Variants in TSKU observed in about 807,000 individuals in gnomAD.
TSKU encodes tsukushi, small leucine rich proteoglycan, also known as tsukushi.
In TSKU, 4 loss-of-function variants were observed where a neutral mutation model predicts 11.2. The ratio of observed to expected loss-of-function variants is 0.36; its 90% CI spans 0.18 to 0.82. The LOEUF is 0.82. TSKU is among the 40% of genes least tolerant of loss of function. The pLI is 0.50. For missense variants in TSKU, 407 were observed against 482.5 expected (o/e 0.84, Z 1.47); for synonymous variants, 220 against 232.2 (o/e 0.95, Z 0.48).
At chr11:76,784,462 T>G (rs1487650274) in intron 1 of TSKU, 1 of 152,344 alleles carries the variant, frequency 6.6e-6, no homozygotes, top group Non-Finnish European at 1.5e-5. Context: ...GAGCCTCACA[T>G]ACACAGGTTT....
At position 76,795,858 on chromosome 11, in the gene TSKU, C is replaced by T. The variant is rs761996929; in HGVS notation, c.242C>T (p.Pro81Leu). The change falls in exon 2 of 2, where the codon CCG becomes CTG. Residue 81 changes from proline to leucine, a missense_variant. Physicochemically the swap from Pro to Leu is moderately conservative, Grantham distance 98. Coordinates refer to ENST00000333090, the MANE Select transcript of TSKU (RefSeq NM_015516.4). Reference sequence around the variant, plus strand: ...GTGAATGAGTCGGTGTTGGCGGGGCCGGGCTACACGACGTTGGCTGGCCTG... The same window carrying T: ...GTGAATGAGTCGGTGTTGGCGGGGCTGGGCTACACGACGTTGGCTGGCCTG... ...EMVNESVLAG[P>L]GYTTLAGLDL... The T allele has an allele frequency of 1.2e-6, 2 of 1,613,776 alleles. No individual in the cohort carries two copies. The highest frequency in any genetic ancestry group is 1.7e-6 in the Non-Finnish European group (2 of 1,180,002).
chr11:76,790,460 A>G (rs1412942863), intron 1 of TSKU, among the ~76,000 whole-genome samples: 1 of 151,946 alleles, frequency 6.6e-6, no homozygotes, highest in African/African-American at 2.4e-5. Flanking sequence ...CCTTGCGGCA[A>G]CTCCTTGAGG....
At chr11:76,790,752 A>G (rs1183660399) in intron 1 of TSKU, among the ~76,000 whole-genome samples, 1 of 152,224 alleles carries the variant, frequency 6.6e-6, no homozygotes, top group African/African-American at 2.4e-5. Context: ...TATGTTGCCC[A>G]GTCTCAGGTT....
Position 76,796,797 on chromosome 11 carries a change from T to C in TSKU, c.*119T>C. On this transcript the variant is annotated 3_prime_UTR_variant, in exon 2 of 2. Coordinates refer to ENST00000333090, the MANE Select transcript of TSKU (RefSeq NM_015516.4). This position sits in a 1 kb window ranked among gnomAD's most constrained non-coding sequence, Gnocchi z 4.1. ...GAGCCCGCAGGCCTATGTGGCAGCG[T>C]CACCACAGGAGTTGTGGGCCTAGGA... 8.0e-6 allele frequency: 6 copies of C among 753,038 alleles called. No individual in the cohort carries two copies. The Middle Eastern group carries it at 2.1e-3, about 261-fold the overall frequency. The allele number at this position is 753,038 out of a possible 1,614,324, so 46.6% of individuals were successfully genotyped here.
intron 1 of TSKU, among the ~76,000 whole-genome samples, chr11:76,785,982 C>T (rs1944308519): frequency 6.6e-6 from 1 of 152,180 alleles, no homozygotes; most frequent in Admixed American, 6.5e-5. Flanking sequence ...ATTACATGTG[C>T]AAATAAATAA....
chr11:76,790,044 C>A (rs1220080781), intron 1 of TSKU, among the ~76,000 whole-genome samples: 1 of 134,302 alleles, frequency 7.4e-6, no homozygotes, highest in Admixed American at 7.9e-5. Context: ...CCCCGCCCCC[C>A]ACTCCCTCCT....
chr11:76,795,599 CTCTT>C lies in TSKU; in HGVS notation c.-8-6_-8-3del, dbSNP rs748883227. 1 of 1,603,840 alleles carries C rather than the reference CTCTT, an allele frequency of 6.2e-7. No individual in the cohort carries two copies. The highest frequency in any genetic ancestry group is 8.5e-7 in the Non-Finnish European group (1 of 1,178,338). ...GTGCATTCATTCCTCACCTGTGGCT[CTCTT>C]TCTAGCCCCCACCATGCCGTGGCCC... On this transcript the variant is annotated splice_polypyrimidine_tract_variant and splice_region_variant and intron_variant, in intron 1 of 1. Transcript: ENST00000333090.
In TSKU at chr11:76,795,667, C is replaced by G. The variant is rs761015428; in HGVS notation, c.51C>G (p.Thr17=). 1.2e-6 allele frequency: 2 copies of G among 1,613,860 alleles called. No homozygotes were observed. The highest frequency in any genetic ancestry group is 3.3e-5 in the Admixed American group (2 of 60,032). Residue 17 remains threonine (T), a synonymous_variant, in exon 2 of 2, where the codon ACC becomes ACG. Coordinates refer to ENST00000333090, the MANE Select transcript of TSKU (RefSeq NM_015516.4). ...TGGCCGTGAGTGGGGCCCAGACAAC[C>G]CGGCCATGCTTCCCCGGGTGCCAAT... ...LLLAVSGAQT[T]RPCFPGCQCE...
chr11:76,784,647 G>A (rs1378941789), intron 1 of TSKU, among the ~76,000 whole-genome samples: 2 of 152,050 alleles, frequency 1.3e-5, no homozygotes, highest in Non-Finnish European at 2.9e-5. Flanking sequence ...CACTTGGCCT[G>A]GCGAGGAGGT....
intron 1 of TSKU, among the ~76,000 whole-genome samples, chr11:76,794,555 G>A (rs934994838): frequency 9.2e-5 from 14 of 152,232 alleles, no homozygotes; most frequent in African/African-American, 3.4e-4. Context: ...ACTAGTTTGG[G>A]GTAAGGCCCT....
chr11:76,785,008 C>T (rs538122969), intron 1 of TSKU, among the ~76,000 whole-genome samples: 2 of 152,324 alleles, frequency 1.3e-5, no homozygotes, highest in African/African-American at 4.8e-5. Context: ...TGGCTGACTG[C>T]TTCAGATCCC....
chr11:76,795,945 T>C lies in TSKU; in HGVS notation c.329T>C (p.Leu110Pro). ...ACTGCCTTCTCCCGCCTTCGCTACC[T>C]GGAGTCGCTTGACCTCAGCCACAAT... ...SPTAFSRLRYLESLDLSHNGL... is the reference protein window; with the variant it reads ...SPTAFSRLRYPESLDLSHNGL... Residue 110 changes from leucine (L) to proline (P), a missense_variant, in exon 2 of 2, where the codon CTG becomes CCG. Leu to Pro is a moderately conservative substitution (Grantham distance 98). Coordinates refer to ENST00000333090, the MANE Select transcript of TSKU (RefSeq NM_015516.4). The C allele has an allele frequency of 1.9e-6, 3 of 1,613,946 alleles. No individual in the cohort carries two copies. The highest frequency in any genetic ancestry group is 2.5e-6 in the Non-Finnish European group (3 of 1,180,016).
chr11:76,787,845 T>G (rs2134389115), intron 1 of TSKU, among the ~76,000 whole-genome samples: 1 of 152,322 alleles, frequency 6.6e-6, no homozygotes, highest in Middle Eastern at 3.4e-3. Context: ...CATCTGGGGT[T>G]AAGTCCGGGG....
chr11:76,797,021 G>A lies in TSKU; in HGVS notation c.*343G>A, dbSNP rs190287845. The A allele has an allele frequency of 8.1e-5, 17 of 209,706 alleles. No homozygotes were observed. Among genetic ancestry groups the A allele is most frequent in the African/African-American group, 3.7e-4 (16 of 43,294 alleles). The allele number at this position is 209,706 out of a possible 1,614,324, so 13.0% of individuals were successfully genotyped here. A position where few individuals can be genotyped will look rare whatever the true frequency, so the allele number is the denominator to read the frequency against. ...CCCGCAATGGGCAGAGGGTGGGTGGGACCCCCTGCTGCAGGGCAGAGTTCA... is the reference window on the plus strand; with the variant it reads ...CCCGCAATGGGCAGAGGGTGGGTGGAACCCCCTGCTGCAGGGCAGAGTTCA... On this transcript the variant is annotated 3_prime_UTR_variant, in exon 2 of 2. Transcript: ENST00000333090.
intron 1 of TSKU, chr11:76,792,206 A>G (rs1944380578): frequency 6.6e-6 from 1 of 152,232 alleles, no homozygotes; most frequent in Non-Finnish European, 1.5e-5. Context: ...GCCCTGCTGG[A>G]TTTTGAACTT....
At position 76,784,748 on chromosome 11, in the gene TSKU, G is replaced by T. The variant is rs559771149; in HGVS notation, c.-9+1344G>T. Among the ~76,000 whole-genome samples the T allele has an allele frequency of 4.6e-4, 47 of 101,854 alleles. 1 individual carries two copies. The East Asian group carries it at 9.2e-3, about 20-fold the overall frequency. The allele number at this position is 101,854 out of a possible 152,430, so 66.8% of individuals were successfully genotyped here. On this transcript the variant is annotated intron_variant, in intron 1 of 1. Coordinates refer to ENST00000333090, the MANE Select transcript of TSKU (RefSeq NM_015516.4). ...CAGTGCCTGGGGCTGACCGGAGGTGGGGGGGGGGGGGTGCTCAGAGCTGCA... is the reference window on the plus strand; with the variant it reads ...CAGTGCCTGGGGCTGACCGGAGGTGTGGGGGGGGGGGTGCTCAGAGCTGCA...
At chr11:76,792,785 C>A (rs1368872448) in intron 1 of TSKU, 1 of 153,832 alleles carries the variant, frequency 6.5e-6, no homozygotes, top group Non-Finnish European at 1.4e-5. Flanking sequence ...TCCAATTAAA[C>A]CTCTTTCTTT....
chr11:76,787,411 G>C (rs145738923), intron 1 of TSKU, among the ~76,000 whole-genome samples: 1 of 152,196 alleles, frequency 6.6e-6, no homozygotes, highest in African/African-American at 2.4e-5. Context: ...TCATGGAGGA[G>C]GCCAGGTACT....
intron 1 of TSKU, among the ~76,000 whole-genome samples, chr11:76,789,571 C>T (rs1014339919): frequency 6.6e-6 from 1 of 152,222 alleles, no homozygotes; most frequent in Non-Finnish European, 1.5e-5. Flanking sequence ...TGATTCATGG[C>T]CCCTGCACTG....
Sources: allele counts gnomAD v4.1 joint callset (sites outside exome capture counted in the v4.1 genomes callset), GRCh38; gene constraint gnomAD v4.1.1; non-coding constraint Gnocchi (gnomAD v3.1); transcripts MANE v1.5; gene names NCBI Gene and HGNC (gene_info 2026-07-23, HGNC 2026-07-21).